The following CNTN4 variants were observed in gnomAD, a reference collection of about 807,000 sequenced individuals.
CNTN4 encodes the protein contactin-4.
In CNTN4, 77 loss-of-function variants were observed where a neutral mutation model predicts 122.5. The observed-to-expected ratio is 0.63, with a 90% CI of 0.52 to 0.76. The LOEUF (loss-of-function observed/expected upper bound fraction) is 0.76. Among genes scored for constraint, CNTN4 ranks in the 30% least tolerant of loss-of-function variants. The pLI is 0.00. For missense variants in CNTN4, 1,256 were observed against 1,259.1 expected (o/e 1.00, Z 0.04); for synonymous variants, 512 against 447.0 (o/e 1.15, Z -1.83).
At chr3:2,592,482 G>T (rs2080544415) in intron 4 of CNTN4, among the ~76,000 whole-genome samples, 1 of 152,202 alleles carries the variant, frequency 6.6e-6, no homozygotes, top group South Asian at 2.1e-4. Flanking sequence ...TACCGGGTAA[G>T]AGATGATTGA....
intron 3 of CNTN4, among the ~76,000 whole-genome samples, chr3:2,341,128 T>G (rs966477175): frequency 6.6e-6 from 1 of 152,186 alleles, no homozygotes; most frequent in African/African-American, 2.4e-5. Flanking sequence ...TTCCTTCTCC[T>G]TGGAATATTC....
At chr3:2,154,541 CTT>C (rs894568313) in intron 2 of CNTN4, among the ~76,000 whole-genome samples, 9 of 152,080 alleles carry the variant, frequency 5.9e-5, no homozygotes. Flanking sequence ...TGCAAAATAA[CTT>C]TTTTAAAAAG....
intron 6 of CNTN4, among the ~76,000 whole-genome samples, chr3:2,801,251 A>AGTGAT (rs2092339723): frequency 6.6e-6 from 1 of 152,144 alleles, no homozygotes; most frequent in Non-Finnish European, 1.5e-5. Context: ...AGTTCAGTGA[A>AGTGAT]TTTGTGATGT....
chr3:2,948,134 AC>A (rs2094698684), intron 13 of CNTN4, among the ~76,000 whole-genome samples: 1 of 152,228 alleles, frequency 6.6e-6, no homozygotes, highest in Non-Finnish European at 1.5e-5. Context: ...TAAACAAGTT[AC>A]TATATAAAGG....
chr3:2,684,918 T>A (rs2085353601), intron 4 of CNTN4, among the ~76,000 whole-genome samples: 1 of 152,178 alleles, frequency 6.6e-6, no homozygotes, highest in Admixed American at 6.5e-5. Context: ...AAAAGTGTAA[T>A]TAGCCAGGCC....
At chr3:2,420,436 CT>C (rs1254772264) in intron 3 of CNTN4, among the ~76,000 whole-genome samples, 103 of 146,458 alleles carry the variant, frequency 7.0e-4, no homozygotes, top group Middle Eastern at 3.6e-3. Context: ...ATAGAAAATT[CT>C]TTTTTTTTTT....
intron 2 of CNTN4, among the ~76,000 whole-genome samples, chr3:2,261,180 G>C (rs1165990694): frequency 6.6e-6 from 1 of 151,826 alleles, no homozygotes; most frequent in Middle Eastern, 3.2e-3. Context: ...GTAGTTTATT[G>C]CATACTATTC....
intron 2 of CNTN4, among the ~76,000 whole-genome samples, chr3:2,203,989 G>A (rs763946071): frequency 1.3e-5 from 2 of 151,986 alleles, no homozygotes; most frequent in African/African-American, 4.8e-5. Flanking sequence ...AATATGAGTG[G>A]TATGAGTGTA....
intron 2 of CNTN4, among the ~76,000 whole-genome samples, chr3:2,327,363 C>T (rs2043506857): frequency 1.3e-5 from 2 of 152,146 alleles, no homozygotes; most frequent in African/African-American, 4.8e-5. Context: ...TTATTTATTT[C>T]ATCCTCCTTA....
At chr3:2,530,800 A>C (rs2077570875) in intron 3 of CNTN4, among the ~76,000 whole-genome samples, 1 of 152,200 alleles carries the variant, frequency 6.6e-6, no homozygotes, top group Non-Finnish European at 1.5e-5. Flanking sequence ...TGATCTAAGA[A>C]ATGTCATTCA....
At chr3:2,396,658 T>G (rs971382858) in intron 3 of CNTN4, among the ~76,000 whole-genome samples, 31 of 147,480 alleles carry the variant, frequency 2.1e-4, no homozygotes, top group Middle Eastern at 3.5e-3. Context: ...ATGTCTGGGT[T>G]TTTTTTTTTT....
intron 4 of CNTN4, among the ~76,000 whole-genome samples, chr3:2,580,974 A>G (rs893170965): frequency 6.6e-6 from 1 of 152,232 alleles, no homozygotes; most frequent in Admixed American, 6.5e-5. Context: ...TGCTATGATG[A>G]TAACTATTGA....
intron 4 of CNTN4, among the ~76,000 whole-genome samples, chr3:2,689,581 GA>G (rs1344856377): frequency 1.3e-5 from 2 of 152,128 alleles, no homozygotes; most frequent in Non-Finnish European, 2.9e-5. Flanking sequence ...ACAGGAGAAA[GA>G]AACAGAGGCA....
At chr3:2,983,412 G>A (rs1353292416) in intron 13 of CNTN4, among the ~76,000 whole-genome samples, 3 of 151,958 alleles carry the variant, frequency 2.0e-5, no homozygotes. Context: ...CTACTCAGCA[G>A]TTGTCTTAGT....
At chr3:2,585,991 C>A (rs549840295) in intron 4 of CNTN4, among the ~76,000 whole-genome samples, 1 of 152,072 alleles carries the variant, frequency 6.6e-6, no homozygotes, top group African/African-American at 2.4e-5. Context: ...AATGCTTAAA[C>A]AAGATAATTA....
intron 13 of CNTN4, among the ~76,000 whole-genome samples, chr3:2,939,777 A>G (rs2094597162): frequency 6.6e-6 from 1 of 152,220 alleles, no homozygotes; most frequent in South Asian, 2.1e-4. Context: ...TGAAGAGTTC[A>G]GTGTTGGTTT....
intron 3 of CNTN4, among the ~76,000 whole-genome samples, chr3:2,508,722 G>T (rs2076802248): frequency 6.6e-6 from 1 of 152,144 alleles, no homozygotes; most frequent in South Asian, 2.1e-4. Context: ...AATATATTCT[G>T]AGGTAAAATA....
At chr3:2,984,214 A>T (rs1694336326) in intron 13 of CNTN4, among the ~76,000 whole-genome samples, 1 of 46 alleles carries the variant, frequency 0.022, no homozygotes, top group African/African-American at 0.1. Flanking sequence ...TACCAAAAGC[A>T]GGAAGCAGGA....
chr3:2,323,585 C>G (rs2043346023), intron 2 of CNTN4, among the ~76,000 whole-genome samples: 1 of 152,130 alleles, frequency 6.6e-6, no homozygotes. Context: ...GATGTGCCCC[C>G]AAACACGTAA....
Sources: allele counts gnomAD v4.1 joint callset (sites outside exome capture counted in the v4.1 genomes callset), GRCh38; gene constraint gnomAD v4.1.1; transcripts MANE v1.5; gene names NCBI Gene and HGNC (gene_info 2026-07-23, HGNC 2026-07-21).